Variants in KCNIP4 observed in about 807,000 individuals in gnomAD.
KCNIP4 encodes potassium voltage-gated channel interacting protein 4.
KCNIP4 carries 12 observed loss-of-function variants against 34.0 expected under a neutral mutation model. The ratio of observed to expected loss-of-function variants is 0.35; its 90% CI spans 0.23 to 0.57. KCNIP4 has a LOEUF of 0.57. Ranked by LOEUF, KCNIP4 falls within the 20% of genes least tolerant of loss-of-function variation. The pLI is 0.83. For synonymous variants in KCNIP4, 124 were observed against 102.2 expected (o/e 1.21, Z -1.29); for missense variants, 238 against 311.7 (o/e 0.76, Z 1.78).
rs570201577 is a variant in KCNIP4, at chr4:21,622,675, A to G, written c.61+325896T>C. Among the ~76,000 whole-genome samples the G allele has an allele frequency of 2.6e-5, 4 of 152,326 alleles. No homozygotes were observed. In the East Asian group the frequency reaches 7.7e-4, roughly 29 times the overall value. Reference sequence around the variant, plus strand: ...AATTTAATTAAAACTATAAAACTACATAATTCTCCATATTTATAATTTTTA... The same window carrying G: ...AATTTAATTAAAACTATAAAACTACGTAATTCTCCATATTTATAATTTTTA... On this transcript the variant is annotated intron_variant, in intron 1 of 8. Transcript: ENST00000382152.
intron 1 of KCNIP4, among the ~76,000 whole-genome samples, chr4:21,713,258 C>G (rs182403245): frequency 9.9e-5 from 15 of 152,276 alleles, no homozygotes; most frequent in Non-Finnish European, 1.3e-4. Context: ...GTTGTTACTG[C>G]TGCTGTTTCT....
At chr4:20,993,915 T>G (rs1017762442) in intron 1 of KCNIP4, among the ~76,000 whole-genome samples, 1 of 152,206 alleles carries the variant, frequency 6.6e-6, no homozygotes, top group Admixed American at 6.5e-5. Flanking sequence ...TTCCAGCTTC[T>G]AGAGGCTGCC....
At chr4:21,151,595 A>G (rs1752764934) in intron 1 of KCNIP4, among the ~76,000 whole-genome samples, 1 of 151,638 alleles carries the variant, frequency 6.6e-6, no homozygotes, top group Admixed American at 6.6e-5. Context: ...AATCTTGTAC[A>G]AGGGACCCAC....
intron 1 of KCNIP4, among the ~76,000 whole-genome samples, chr4:21,869,813 T>C (rs545473094): frequency 4.6e-5 from 7 of 152,020 alleles, no homozygotes; most frequent in African/African-American, 1.7e-4. Context: ...TAGATATAGA[T>C]CTATAGATAG....
chr4:21,624,299 T>G (rs1020172319), intron 1 of KCNIP4, among the ~76,000 whole-genome samples: 1 of 152,154 alleles, frequency 6.6e-6, no homozygotes, highest in Admixed American at 6.6e-5. Context: ...TAGCATATAT[T>G]CCAGAATTGT....
intron 1 of KCNIP4, among the ~76,000 whole-genome samples, chr4:21,198,789 G>T (rs1359354196): frequency 1.3e-4 from 20 of 152,160 alleles, no homozygotes; most frequent in Non-Finnish European, 5.9e-5. Context: ...TGCTTCTTCT[G>T]CAGCACAGAA....
At chr4:21,338,521 G>A (rs192869842) in intron 1 of KCNIP4, among the ~76,000 whole-genome samples, 2 of 151,638 alleles carry the variant, frequency 1.3e-5, no homozygotes, top group Admixed American at 6.6e-5. Flanking sequence ...GCAGGAGAAT[G>A]GCTTGAACTT....
chr4:20,864,578 C>T (rs1195409893), intron 2 of KCNIP4, among the ~76,000 whole-genome samples: 1 of 151,998 alleles, frequency 6.6e-6, no homozygotes, highest in East Asian at 1.9e-4. Context: ...CATGTAATAA[C>T]TATTCAGCTG....
At chr4:21,058,702 T>C (rs1743638065) in intron 1 of KCNIP4, among the ~76,000 whole-genome samples, 1 of 152,182 alleles carries the variant, frequency 6.6e-6, no homozygotes, top group Non-Finnish European at 1.5e-5. Flanking sequence ...CATTCTTTGA[T>C]AAGTTTAGTT....
At chr4:20,829,030 G>C (rs1718102428) in intron 3 of KCNIP4, among the ~76,000 whole-genome samples, 2 of 152,102 alleles carry the variant, frequency 1.3e-5, no homozygotes, top group African/African-American at 2.4e-5. Context: ...GGCAGGGCAA[G>C]GCAAAATTAA....
chr4:21,496,953 G>A (rs1010040790), intron 1 of KCNIP4, among the ~76,000 whole-genome samples: 1 of 152,150 alleles, frequency 6.6e-6, no homozygotes, highest in Admixed American at 6.6e-5. Context: ...CAAAAAAGTT[G>A]GGGACTGCTG....
intron 1 of KCNIP4, among the ~76,000 whole-genome samples, chr4:21,207,522 C>G (rs1344918170): frequency 6.6e-6 from 1 of 152,104 alleles, no homozygotes; most frequent in African/African-American, 2.4e-5. Context: ...AAACAATAAA[C>G]CATCTAGTAG....
chr4:21,920,198 A>G (rs544984818), intron 1 of KCNIP4, among the ~76,000 whole-genome samples: 9 of 152,332 alleles, frequency 5.9e-5, no homozygotes, highest in African/African-American at 2.2e-4. Flanking sequence ...TCATACCAAA[A>G]TAGACAAAAC....
intron 1 of KCNIP4, among the ~76,000 whole-genome samples, chr4:20,901,669 A>G (rs1412959989): frequency 2.6e-5 from 4 of 152,176 alleles, no homozygotes; most frequent in African/African-American, 9.7e-5. Context: ...TAGACTCTGA[A>G]TCCTGGTTTT....
intron 1 of KCNIP4, among the ~76,000 whole-genome samples, chr4:21,930,183 C>T (rs937722002): frequency 3.3e-5 from 5 of 152,130 alleles, no homozygotes; most frequent in Non-Finnish European, 7.4e-5. Flanking sequence ...CTCAAGGATT[C>T]CGCTGAAGAT....
intron 1 of KCNIP4, among the ~76,000 whole-genome samples, chr4:21,439,056 G>A (rs1380804293): frequency 6.6e-6 from 1 of 151,904 alleles, no homozygotes; most frequent in Non-Finnish European, 1.5e-5. Flanking sequence ...CAGGTACTCG[G>A]GAGGCTGAGG....
intron 1 of KCNIP4, among the ~76,000 whole-genome samples, chr4:20,992,338 G>T (rs1737148561): frequency 6.6e-6 from 1 of 152,082 alleles, no homozygotes; most frequent in Non-Finnish European, 1.5e-5. Flanking sequence ...CATTTCATGA[G>T]AACTCACTCA....
chr4:21,941,260 T>C (rs1730188715), intron 1 of KCNIP4, among the ~76,000 whole-genome samples: 1 of 152,168 alleles, frequency 6.6e-6, no homozygotes, highest in Admixed American at 6.5e-5. Context: ...TCTTATCATA[T>C]GTAACAATGT....
At chr4:21,544,731 C>A (rs1227567768) in intron 1 of KCNIP4, 1 of 152,144 alleles carries the variant, frequency 6.6e-6, no homozygotes, top group Non-Finnish European at 1.5e-5. Flanking sequence ...CTGGAAAACT[C>A]ATGAATAATT....
Sources: gnomAD v4.1 joint callset for allele counts (sites outside exome capture counted in the v4.1 genomes callset) on GRCh38, gnomAD v4.1.1 for gene constraint, MANE v1.5 for transcripts, NCBI Gene and HGNC (gene_info 2026-07-23, HGNC 2026-07-21) for gene names.